Variants in SEPTIN14 observed in about 807,000 individuals in gnomAD.
The protein encoded by SEPTIN14 is septin 14.
In SEPTIN14, 40 loss-of-function variants were observed where a neutral mutation model predicts 53.6. The ratio of observed to expected loss-of-function variants is 0.75; its 90% CI spans 0.58 to 0.97. The LOEUF is 0.97. SEPTIN14 is among the 50% of genes least tolerant of loss of function. SEPTIN14 has a pLI of 0.00. For synonymous variants in SEPTIN14, 138 were observed against 166.8 expected (o/e 0.83, Z 1.33); for missense variants, 471 against 508.2 (o/e 0.93, Z 0.70).
At chr7:55,812,778 C>T (rs1441596841) in intron 7 of SEPTIN14, among the ~76,000 whole-genome samples, 1 of 151,976 alleles carries the variant, frequency 6.6e-6, no homozygotes, top group Non-Finnish European at 1.5e-5. Flanking sequence ...TCTTGCATAG[C>T]CTATGCCATC....
rs1789364865 is a variant in SEPTIN14, at chr7:55,844,369, C to A, written c.371+154G>T. ...ATCTTGTAAGAAAGTCAATTATATA[C>A]AAAAGTATTAATCTTATAAGAAAAG... On this transcript the variant is annotated intron_variant, in intron 4 of 9. Coordinates refer to ENST00000388975, the MANE Select transcript of SEPTIN14 (RefSeq NM_207366.3). Among the ~76,000 whole-genome samples the A allele has an allele frequency of 2.6e-5, 4 of 151,766 alleles. No individual in the cohort carries two copies. The South Asian group carries it at 8.3e-4, about 31-fold the overall frequency.
intron 5 of SEPTIN14, among the ~76,000 whole-genome samples, chr7:55,841,093 G>A (rs1426521918): frequency 6.6e-6 from 1 of 152,058 alleles, no homozygotes; most frequent in Non-Finnish European, 1.5e-5. Context: ...ATTTTTAGTA[G>A]AGACAGGGTT....
At chr7:55,821,187 A>G (rs1465722262) in intron 6 of SEPTIN14, among the ~76,000 whole-genome samples, 1 of 152,108 alleles carries the variant, frequency 6.6e-6, no homozygotes, top group Non-Finnish European at 1.5e-5. Flanking sequence ...CTTGTGAAAT[A>G]GGGGCCCTGC....
chr7:55,814,980 A>G (rs1788767764), intron 7 of SEPTIN14, among the ~76,000 whole-genome samples: 1 of 152,218 alleles, frequency 6.6e-6, no homozygotes, highest in Admixed American at 6.5e-5. Context: ...GAACCCAGAA[A>G]TAAATCCACA....
intron 5 of SEPTIN14, among the ~76,000 whole-genome samples, chr7:55,842,134 G>A (rs1051554724): frequency 2.6e-5 from 4 of 152,166 alleles, no homozygotes; most frequent in Admixed American, 2.6e-4. Context: ...TAGCCTAGGA[G>A]CAATAGGCCA....
At chr7:55,804,652 G>C (rs753518096) in intron 9 of SEPTIN14, among the ~76,000 whole-genome samples, 1 of 152,088 alleles carries the variant, frequency 6.6e-6, no homozygotes, top group Non-Finnish European at 1.5e-5. Flanking sequence ...GAAAAAGGAA[G>C]TTTATGTTCC....
intron 7 of SEPTIN14, among the ~76,000 whole-genome samples, chr7:55,808,797 T>G (rs1343876592): frequency 6.6e-6 from 1 of 151,922 alleles, no homozygotes; most frequent in African/African-American, 2.4e-5. Context: ...GGTGATCCAC[T>G]CTCCTCAGCC....
intron 2 of SEPTIN14, among the ~76,000 whole-genome samples, chr7:55,848,278 C>T (rs903331505): frequency 3.9e-5 from 6 of 152,140 alleles, no homozygotes; most frequent in Admixed American, 1.3e-4. Flanking sequence ...TTTCCAGCCT[C>T]GGCCTCTAGA....
At chr7:55,852,745 G>A (rs1055541478) in intron 2 of SEPTIN14, among the ~76,000 whole-genome samples, 16 of 152,038 alleles carry the variant, frequency 1.1e-4, no homozygotes, top group Non-Finnish European at 5.9e-5. Context: ...AACAAAGTGA[G>A]GAGACAACCC....
At chr7:55,818,764 A>G (rs866992444) in intron 7 of SEPTIN14, among the ~76,000 whole-genome samples, 6 of 152,142 alleles carry the variant, frequency 3.9e-5, no homozygotes, top group Non-Finnish European at 5.9e-5. Flanking sequence ...ATGTCTACAC[A>G]CTAGTATTTT....
chr7:55,849,512 G>A (rs1356468527), intron 2 of SEPTIN14, among the ~76,000 whole-genome samples: 1 of 152,012 alleles, frequency 6.6e-6, no homozygotes, highest in Non-Finnish European at 1.5e-5. Flanking sequence ...TTGGGAGGCT[G>A]AGGCAGGGAG....
chr7:55,854,337 C>T (rs1308359492), intron 2 of SEPTIN14, among the ~76,000 whole-genome samples: 1 of 152,126 alleles, frequency 6.6e-6, no homozygotes, highest in East Asian at 1.9e-4. Context: ...TTAAATCTAA[C>T]ATCATACTTA....
At chr7:55,808,465 A>AAAAGG (rs1193690648) in intron 7 of SEPTIN14, among the ~76,000 whole-genome samples, 2 of 152,252 alleles carry the variant, frequency 1.3e-5, no homozygotes, top group African/African-American at 4.8e-5. Flanking sequence ...ATGATGTTTA[A>AAAAGG]GAATTCCCTT....
At chr7:55,814,967 A>T (rs1257734497) in intron 7 of SEPTIN14, among the ~76,000 whole-genome samples, 7 of 152,208 alleles carry the variant, frequency 4.6e-5, no homozygotes, top group Admixed American at 3.9e-4. Context: ...GGAACAGAAT[A>T]GCGAACCCAG....
intron 3 of SEPTIN14, among the ~76,000 whole-genome samples, chr7:55,845,681 T>C (rs934862770): frequency 6.6e-6 from 1 of 152,050 alleles, no homozygotes; most frequent in Non-Finnish European, 1.5e-5. Context: ...CTATGATTTT[T>C]CAATTAAAAA....
intron 2 of SEPTIN14, among the ~76,000 whole-genome samples, chr7:55,849,909 C>T (rs1019215695): frequency 2.6e-5 from 4 of 151,794 alleles, no homozygotes; most frequent in Non-Finnish European, 4.4e-5. Context: ...CTTTTGCCAA[C>T]AAACTTGAAA....
chr7:55,811,723 T>C (rs1220839100), intron 7 of SEPTIN14, among the ~76,000 whole-genome samples: 1 of 151,722 alleles, frequency 6.6e-6, no homozygotes, highest in Non-Finnish European at 1.5e-5. Flanking sequence ...GGTCTTGAAC[T>C]CCTGACTTCA....
At chr7:55,861,904 G>C in intron 2 of SEPTIN14, 39 bp downstream of exon 2, 2 of 1,289,574 alleles carry the variant, frequency 1.6e-6, no homozygotes, top group Non-Finnish European at 2.1e-6. Context: ...TCTTATTGAA[G>C]TACAAAATGC....
At chr7:55,828,667 C>T (rs1029456098) in intron 6 of SEPTIN14, among the ~76,000 whole-genome samples, 1 of 152,036 alleles carries the variant, frequency 6.6e-6, no homozygotes, top group Non-Finnish European at 1.5e-5. Context: ...GATCCCAGTG[C>T]CTTTTGGCTT....
Sources: gnomAD v4.1 joint callset for allele counts (sites outside exome capture counted in the v4.1 genomes callset) on GRCh38, gnomAD v4.1.1 for gene constraint, MANE v1.5 for transcripts, NCBI Gene and HGNC (gene_info 2026-07-23, HGNC 2026-07-21) for gene names.